Variants in HERC1 observed in about 807,000 individuals in gnomAD.
HERC1 encodes the protein probable E3 ubiquitin-protein ligase HERC1.
In HERC1, 160 loss-of-function variants were observed where a neutral mutation model predicts 554.3. The ratio of observed to expected loss-of-function variants is 0.29; its 90% CI spans 0.25 to 0.33. The LOEUF is 0.33. HERC1 is among the 10% of genes least tolerant of loss of function. The probability of loss-of-function intolerance (pLI) is 1.00; values close to 1 mark genes in which losing one functional copy is unlikely to be tolerated. For synonymous variants in HERC1, 2,175 were observed against 2,131.7 expected (o/e 1.02, Z -0.56); for missense variants, 4,919 against 5,918.5 (o/e 0.83, Z 5.54).
rs751660522 is a variant in HERC1 at position 63,665,901 on chromosome 15, C to T, written c.8555+18G>A. The T allele has an allele frequency of 6.3e-7, 1 of 1,587,006 alleles. No homozygotes were observed. The highest frequency in any genetic ancestry group is 8.6e-7 in the Non-Finnish European group (1 of 1,157,804). ...ATTTATAACACATGGAACAAAAGTA[C>T]AGAAACTGGAATTTCACCTTTCACT... is the stretch of plus-strand genomic sequence containing the variant. On this transcript the variant is annotated intron_variant, in intron 42 of 77. Coordinates refer to ENST00000443617, the MANE Select transcript of HERC1 (RefSeq NM_003922.4).
chr15:63,745,687 C>T (rs140169879), intron 12 of HERC1, among the ~76,000 whole-genome samples: 140 of 152,308 alleles, frequency 9.2e-4, no homozygotes, highest in African/African-American at 3.3e-3. Context: ...GTGCCTCTTT[C>T]AGTGATATGA....
chr15:63,623,783 C>G lies in HERC1; in HGVS notation c.13553G>C (p.Gly4518Ala). ...TCCTCCAGCATCATCAGCCCCTTCT[C>G]CAACCAGCTTAACCTTCCACGCTCG... ...PSRAWKVKLV[G>A]EGADDAGGVF... The change falls in exon 73 of 78, where the codon GGA becomes GCA. Residue 4518 changes from glycine (G) to alanine (A), a missense_variant. This residue lies in a region of HERC1 where 410 missense variants were observed against 467.0 expected (regional missense o/e 0.88). Coordinates refer to ENST00000443617, the MANE Select transcript of HERC1 (RefSeq NM_003922.4). 6.2e-7 allele frequency: 1 copy of G among 1,614,016 alleles called. No individual in the cohort carries two copies.
rs1013568911 is a variant in HERC1, at chr15:63,746,876, G to A, written c.2520+42C>T. The stretch of plus-strand genomic sequence containing the variant: ...TTGTATAGCTAAAATCTCAGAGAAA[G>A]ACGTGGTTTGAGATACAGATTCACA... On this transcript the variant is annotated intron_variant, in intron 12 of 77. Transcript: ENST00000443617. The A allele has an allele frequency of 3.3e-6, 5 of 1,502,066 alleles. No individual in the cohort carries two copies. In the African/African-American group the frequency reaches 7.0e-5, roughly 21 times the overall value. The allele number at this position is 1,502,066 out of a possible 1,614,324, so 93.0% of individuals were successfully genotyped here. A position where few individuals can be genotyped will look rare whatever the true frequency, so the allele number is the denominator to read the frequency against.
rs1407357111 is a variant in HERC1 at position 63,612,235 on chromosome 15, A to G, written c.14400+16T>C. 6.3e-7 allele frequency: 1 copy of G among 1,580,034 alleles called. No individual in the cohort carries two copies. Among genetic ancestry groups the G allele is most frequent in the East Asian group, 2.3e-5 (1 of 44,314 alleles). On this transcript the variant is annotated intron_variant, in intron 77 of 77. Transcript: ENST00000443617. This position sits in a 1 kb window ranked among gnomAD's most constrained non-coding sequence, Gnocchi z 5.0. ...TAAGGCAGACATTACAAAGGAAAAA[A>G]GAATAGCTTACTTACCCTATCAACC...
chr15:63,609,328 C>T, intron 77 of HERC1, 62 bp from the exon 78 acceptor site: 1 of 1,419,640 alleles, frequency 7.0e-7, no homozygotes, highest in Non-Finnish European at 9.5e-7. Context: ...GGGAGTGGGG[C>T]TGCCCATGAC....
At position 63,694,124 on chromosome 15, in the gene HERC1, A is replaced by C; in HGVS notation, c.5514T>G (p.Val1838=). The C allele has an allele frequency of 6.2e-7, 1 of 1,609,024 alleles. No individual in the cohort carries two copies. The highest frequency in any genetic ancestry group is 8.5e-7 in the Non-Finnish European group (1 of 1,177,498). The part of the protein sequence containing the change: ...TYADKLSPKV[V]QSLLDLLCSQ... ...TACAGAGTAGATCCAACAAGGATTG[A>C]ACTACTTTGGGACTCAGTTTATCAG... Residue 1838 remains valine (V), a synonymous_variant, in exon 30 of 78, where the codon GTT becomes GTG. Transcript: ENST00000443617. The surrounding 1 kb of genome is among the most constrained non-coding windows in gnomAD (Gnocchi z 4.3).
At chr15:63,707,904 G>A (rs575762795) in intron 24 of HERC1, among the ~76,000 whole-genome samples, 4 of 132,278 alleles carry the variant, frequency 3.0e-5, no homozygotes, top group Non-Finnish European at 4.6e-5. Flanking sequence ...ACTCCAGCCC[G>A]GATGACAGAG....
At chr15:63,830,819 G>T (rs1244615799) in intron 1 of HERC1, among the ~76,000 whole-genome samples, 1 of 152,018 alleles carries the variant, frequency 6.6e-6, no homozygotes, top group Non-Finnish European at 1.5e-5. Context: ...AAATTTAACA[G>T]TCCCATTAAT....
intron 22 of HERC1, 41 bp from the exon 23 acceptor site, chr15:63,713,706 G>C (rs1184242530): frequency 6.6e-7 from 1 of 1,516,974 alleles, no homozygotes; most frequent in Non-Finnish European, 9.0e-7. Flanking sequence ...AACACATGGG[G>C]AGAGAAGAGC....
intron 55 of HERC1, among the ~76,000 whole-genome samples, chr15:63,646,025 G>C (rs980541928): frequency 6.6e-6 from 1 of 152,148 alleles, no homozygotes; most frequent in Non-Finnish European, 1.5e-5. Flanking sequence ...AATCATTACA[G>C]TATAAAAAAG....
At chr15:63,697,704 C>T (rs568521170) in intron 26 of HERC1, among the ~76,000 whole-genome samples, 3 of 152,174 alleles carry the variant, frequency 2.0e-5, no homozygotes, top group South Asian at 4.1e-4. Context: ...ATCCACCCAC[C>T]TTGGCCTCCC....
intron 57 of HERC1, among the ~76,000 whole-genome samples, chr15:63,643,917 A>G (rs977051651): frequency 5.3e-5 from 8 of 152,138 alleles, no homozygotes; most frequent in African/African-American, 1.9e-4. Flanking sequence ...ATCCCCTAAC[A>G]TTTGTGAACT....
In HERC1 at chr15:63,649,700, G is replaced by C. The variant is rs780258447; in HGVS notation, c.10747+25C>G. The C allele has an allele frequency of 5.7e-6, 9 of 1,587,210 alleles. No individual in the cohort carries two copies. In the African/African-American group the frequency reaches 1.1e-4, roughly 19 times the overall value. Reference sequence around the variant, plus strand: ...AGAAAGGAAGTTGGAGACTCCGTCAGCTAGACGTAAGTGCAGTCATTTACC... The same window carrying C: ...AGAAAGGAAGTTGGAGACTCCGTCACCTAGACGTAAGTGCAGTCATTTACC... On this transcript the variant is annotated intron_variant, in intron 54 of 77. Coordinates refer to ENST00000443617, the MANE Select transcript of HERC1 (RefSeq NM_003922.4).
At chr15:63,707,951 A>AGAAG (rs1314988419) in intron 24 of HERC1, among the ~76,000 whole-genome samples, 2 of 149,516 alleles carry the variant, frequency 1.3e-5, no homozygotes, top group African/African-American at 5.0e-5. Context: ...AAAAAAAAAA[A>AGAAG]AAGAAGAAGT....
chr15:63,829,543 A>ATGTGTG (rs752906693), intron 1 of HERC1, among the ~76,000 whole-genome samples: 4,047 of 89,434 alleles, frequency 0.045, 206 homozygotes, highest in East Asian at 0.26. Context: ...ACATATATGT[A>ATGTGTG]TGTGTGTGTG....
intron 59 of HERC1, among the ~76,000 whole-genome samples, chr15:63,642,054 G>A (rs2069091038): frequency 6.6e-6 from 1 of 152,118 alleles, no homozygotes; most frequent in South Asian, 2.1e-4. Context: ...ACTGCCTAGG[G>A]TCTGATTCTA....
At chr15:63,729,131 G>T in intron 16 of HERC1, 105 bp downstream of exon 16, 1 of 1,029,852 alleles carries the variant, frequency 9.7e-7, no homozygotes, top group Non-Finnish European at 1.4e-6. Flanking sequence ...GGAAATTCAA[G>T]ACCATTCCTA....
At chr15:63,614,194 A>C (rs1195705324) in intron 76 of HERC1, among the ~76,000 whole-genome samples, 1 of 152,208 alleles carries the variant, frequency 6.6e-6, no homozygotes, top group African/African-American at 2.4e-5. Flanking sequence ...AGCTGTGGAA[A>C]GGGAGTGTCC....
intron 1 of HERC1, among the ~76,000 whole-genome samples, chr15:63,810,233 C>T (rs1402587210): frequency 6.6e-6 from 1 of 152,074 alleles, no homozygotes; most frequent in African/African-American, 2.4e-5. Flanking sequence ...TTAATAGGAG[C>T]ATTATTCATA....
Sources: allele counts gnomAD v4.1 joint callset (sites outside exome capture counted in the v4.1 genomes callset), GRCh38; gene constraint gnomAD v4.1.1; regional missense constraint gnomAD v4.1.1; non-coding constraint Gnocchi (gnomAD v3.1); transcripts MANE v1.5; gene names NCBI Gene and HGNC (gene_info 2026-07-23, HGNC 2026-07-21).